SLC4A4: variants seen among roughly 807,000 people sequenced by gnomAD.
The protein encoded by SLC4A4 is solute carrier family 4 member 4, also known as electrogenic sodium bicarbonate cotransporter 1.
Under a neutral mutation model 111.5 loss-of-function variants are expected in SLC4A4, and 27 were observed. The observed-to-expected ratio is 0.24, with a 90% CI of 0.18 to 0.33. The LOEUF (loss-of-function observed/expected upper bound fraction) is 0.33. Among genes scored for constraint, SLC4A4 ranks in the 10% least tolerant of loss-of-function variants. SLC4A4 has a pLI of 1.00. For synonymous variants in SLC4A4, 443 were observed against 463.4 expected, an observed-to-expected ratio of 0.96 and a Z score of 0.57; for missense variants, 909 against 1,315.5, an observed-to-expected ratio of 0.69 and a Z score of 4.78.
chr4:71,472,779 C>T lies in SLC4A4; in HGVS notation c.1712C>T (p.Thr571Ile). The change falls in exon 14 of 26, where the codon ACT (threonine) becomes ATT (isoleucine). Residue 571 changes from threonine (T) to isoleucine (I), a missense_variant. By Grantham distance (89) the Thr-to-Ile change is moderately conservative. Around this residue, in one of 7 missense-constraint regions of SLC4A4, gnomAD observed 264 missense variants for 356.8 expected, o/e 0.74. Coordinates refer to ENST00000264485, the MANE Select transcript of SLC4A4 (RefSeq NM_001098484.3). ...SAFLCLILVA[T>I]DASFLVQYFT... ...TTCCTATGTCTCATTTTGGTAGCCA[C>T]TGATGCCAGCTTCTTGGTTCAATAC... is the stretch of plus-strand genomic sequence containing the variant. The T allele has an allele frequency of 6.2e-7, 1 of 1,612,978 alleles. No individual in the cohort carries two copies. Among genetic ancestry groups the T allele is most frequent in the Non-Finnish European group, 8.5e-7 (1 of 1,179,344 alleles).
At chr4:71,277,626 CCTCT>C (rs34591497) in intron 3 of SLC4A4, among the ~76,000 whole-genome samples, 2 of 145,682 alleles carry the variant, frequency 1.4e-5, no homozygotes, top group Admixed American at 1.4e-4. Flanking sequence ...TTCCTTCCTT[CCTCT>C]CTCTCTCATT....
chr4:71,337,513 AT>A (rs1270170097), intron 3 of SLC4A4, among the ~76,000 whole-genome samples: 1 of 151,892 alleles, frequency 6.6e-6, no homozygotes, highest in African/African-American at 2.4e-5. Flanking sequence ...GATGTTTAGG[AT>A]TTTTCTGTTT....
intron 2 of SLC4A4, among the ~76,000 whole-genome samples, chr4:71,170,802 GGA>G (rs1278264936): frequency 3.3e-5 from 5 of 152,316 alleles, no homozygotes; most frequent in Non-Finnish European, 5.9e-5. Context: ...TCAGTATGGA[GGA>G]GAGGTCTTTA....
At chr4:71,560,324 AC>A in intron 23 of SLC4A4, 70 bp downstream of exon 23, 1 of 1,505,644 alleles carries the variant, frequency 6.6e-7, no homozygotes, top group Non-Finnish European at 9.0e-7. Context: ...CCCTTTTTAT[AC>A]CTGATGTGAA....
intron 16 of SLC4A4, among the ~76,000 whole-genome samples, chr4:71,501,956 C>T (rs1291829248): frequency 2.0e-5 from 3 of 151,514 alleles, no homozygotes; most frequent in African/African-American, 4.8e-5. Flanking sequence ...AACCACCATG[C>T]CTGGCCTATT....
At chr4:71,159,951 G>A (rs1209443787) in intron 2 of SLC4A4, among the ~76,000 whole-genome samples, 1 of 152,042 alleles carries the variant, frequency 6.6e-6, no homozygotes, top group African/African-American at 2.4e-5. Context: ...CTATAGTATA[G>A]TTCAGAAAAG....
At position 71,275,096 on chromosome 4, in the gene SLC4A4, T is replaced by C. The variant is rs571425272; in HGVS notation, c.253+19697T>C. Among the ~76,000 whole-genome samples, 6 of 152,272 alleles carry C rather than the reference T, an allele frequency of 3.9e-5. No homozygotes were observed. In the South Asian group the frequency reaches 6.2e-4, roughly 16 times the overall value. On this transcript the variant is annotated intron_variant, in intron 3 of 25. Transcript: ENST00000264485. ...TAGGATGTTTTGCTTCCTTCCTTGA[T>C]TGAAAAAGTTTCTTTAAAAAATTCT...
chr4:71,171,876 T>C (rs1423660472), intron 2 of SLC4A4, among the ~76,000 whole-genome samples: 1 of 152,222 alleles, frequency 6.6e-6, no homozygotes, highest in Non-Finnish European at 1.5e-5. Flanking sequence ...AAATAAATAG[T>C]CAATACTTTC....
At chr4:71,198,164 T>TTC (rs1746089260) in intron 1 of SLC4A4, among the ~76,000 whole-genome samples, 1 of 152,348 alleles carries the variant, frequency 6.6e-6, no homozygotes, top group Admixed American at 6.5e-5. Context: ...AATATCATTG[T>TTC]TCTATACATC....
chr4:71,292,833 GTTTTTTTTGT>G (rs1724465381), intron 3 of SLC4A4, among the ~76,000 whole-genome samples: 1 of 133,386 alleles, frequency 7.5e-6, no homozygotes, highest in African/African-American at 3.0e-5. Flanking sequence ...CTTACTTTTG[GTTTTTTTTGT>G]TTTTTTTTTT....
At chr4:71,362,737 G>T (rs559627769) in intron 6 of SLC4A4, among the ~76,000 whole-genome samples, 2 of 152,114 alleles carry the variant, frequency 1.3e-5, no homozygotes, top group Non-Finnish European at 2.9e-5. Flanking sequence ...TGGGTGTCAG[G>T]GGGGGTCCTA....
intron 7 of SLC4A4, among the ~76,000 whole-genome samples, chr4:71,426,951 A>G (rs1486587177): frequency 1.3e-5 from 2 of 152,088 alleles, no homozygotes; most frequent in African/African-American, 2.4e-5. Context: ...GGAGTGCTAC[A>G]TATATGCCAT....
intron 2 of SLC4A4, among the ~76,000 whole-genome samples, chr4:71,168,905 C>A (rs1744859926): frequency 6.6e-6 from 1 of 152,164 alleles, no homozygotes; most frequent in African/African-American, 2.4e-5. Flanking sequence ...ACCACTGCTG[C>A]AATAAACATG....
At chr4:71,123,416 G>T (rs931885256) in intron 2 of SLC4A4, among the ~76,000 whole-genome samples, 1 of 152,184 alleles carries the variant, frequency 6.6e-6, no homozygotes, top group African/African-American at 2.4e-5. Context: ...AACATTGATT[G>T]TTGGGAGACG....
chr4:71,318,906 A>G (rs1726908610), intron 3 of SLC4A4, among the ~76,000 whole-genome samples: 1 of 151,516 alleles, frequency 6.6e-6, no homozygotes, highest in Non-Finnish European at 1.5e-5. Context: ...TGTAGTAGAG[A>G]ATTAGACTTC....
At chr4:71,370,371 AC>A (rs1731750444) in intron 6 of SLC4A4, among the ~76,000 whole-genome samples, 1 of 152,238 alleles carries the variant, frequency 6.6e-6, no homozygotes, top group South Asian at 2.1e-4. Context: ...TGAAGCTCTA[AC>A]ACTCACATGA....
chr4:71,287,895 CT>C (rs571787510), intron 3 of SLC4A4, among the ~76,000 whole-genome samples: 351 of 151,396 alleles, frequency 2.3e-3, no homozygotes, highest in African/African-American at 7.6e-3. Context: ...TTGGCAGTAT[CT>C]TTTTTTTTAA....
At chr4:71,421,559 A>G (rs1274992992) in intron 7 of SLC4A4, among the ~76,000 whole-genome samples, 1 of 152,204 alleles carries the variant, frequency 6.6e-6, no homozygotes, top group Non-Finnish European at 1.5e-5. Flanking sequence ...CACCACACCT[A>G]TTCCAAAATT....
chr4:71,185,193 T>TC (rs1282509695), upstream of SLC4A4, among the ~76,000 whole-genome samples: 1 of 152,242 alleles, frequency 6.6e-6, no homozygotes, highest in African/African-American at 2.4e-5. Context: ...TCACCAGCAC[T>TC]GAGTGTTCAT....
Sources: gnomAD v4.1 joint callset for allele counts (sites outside exome capture counted in the v4.1 genomes callset) on GRCh38, gnomAD v4.1.1 for gene constraint, gnomAD v4.1.1 regional missense constraint, MANE v1.5 for transcripts, NCBI Gene and HGNC (gene_info 2026-07-23, HGNC 2026-07-21) for gene names.